Variants in TNFAIP8 observed in about 807,000 individuals in gnomAD.
TNFAIP8 encodes the protein tumor necrosis factor alpha-induced protein 8.
In TNFAIP8, 7 loss-of-function variants were observed where a neutral mutation model predicts 13.3. The observed-to-expected ratio is 0.52, with a 90% CI of 0.30 to 0.99. TNFAIP8 has a LOEUF of 0.99. TNFAIP8 is among the 50% of genes least tolerant of loss of function. TNFAIP8 has a pLI of 0.07. For missense variants in TNFAIP8, 258 were observed against 236.9 expected (o/e 1.09, Z -0.58); for synonymous variants, 94 against 87.6 (o/e 1.07, Z -0.41).
At chr5:119,375,685 A>G (rs1752251181) in intron 1 of TNFAIP8, among the ~76,000 whole-genome samples, 1 of 152,206 alleles carries the variant, frequency 6.6e-6, no homozygotes, top group African/African-American at 2.4e-5. Context: ...AATTATTTTA[A>G]TAAAACAATT....
At chr5:119,355,393 G>T (rs1199825653), upstream of TNFAIP8, 1 of 702,196 alleles carries the variant, frequency 1.4e-6, no homozygotes, top group Non-Finnish European at 2.6e-6. Flanking sequence ...CTGTGCAAAG[G>T]TAAGGGTGGA....
intron 1 of TNFAIP8, among the ~76,000 whole-genome samples, chr5:119,389,460 G>A (rs1423754580): frequency 1.3e-5 from 2 of 152,172 alleles, no homozygotes; most frequent in Non-Finnish European, 2.9e-5. Flanking sequence ...GACTAGCTCT[G>A]AGATACACCA....
intron 1 of TNFAIP8, among the ~76,000 whole-genome samples, chr5:119,301,364 C>T (rs1182276714): frequency 2.0e-5 from 3 of 152,184 alleles, no homozygotes; most frequent in African/African-American, 4.8e-5. Context: ...CCCTTGTCCG[C>T]CTTCTTTACT....
intron 1 of TNFAIP8, among the ~76,000 whole-genome samples, chr5:119,313,610 T>C (rs1255972934): frequency 6.6e-6 from 1 of 152,262 alleles, no homozygotes; most frequent in Non-Finnish European, 1.5e-5. Context: ...AGCCTCCTTT[T>C]TAACAAATGA....
intron 1 of TNFAIP8, among the ~76,000 whole-genome samples, chr5:119,273,521 C>T (rs1748352774): frequency 6.6e-6 from 1 of 152,124 alleles, no homozygotes; most frequent in African/African-American, 2.4e-5. Flanking sequence ...GATAAGTGAG[C>T]CAGAGCAGGG....
intron 1 of TNFAIP8, among the ~76,000 whole-genome samples, chr5:119,311,555 G>T (rs894578647): frequency 1.3e-5 from 2 of 151,868 alleles, no homozygotes; most frequent in Admixed American, 6.6e-5. Flanking sequence ...ACTGGGTGTG[G>T]TGGCGCACCT....
At chr5:119,372,709 C>A (rs1752131624) in intron 1 of TNFAIP8, among the ~76,000 whole-genome samples, 1 of 152,144 alleles carries the variant, frequency 6.6e-6, no homozygotes, top group Non-Finnish European at 1.5e-5. Context: ...CCTGTAATCC[C>A]AGCACTTTGG....
At chr5:119,301,369 T>G (rs1372648664) in intron 1 of TNFAIP8, among the ~76,000 whole-genome samples, 1 of 152,194 alleles carries the variant, frequency 6.6e-6, no homozygotes, top group Non-Finnish European at 1.5e-5. Context: ...GTCCGCCTTC[T>G]TTACTGGCCA....
chr5:119,310,270 C>T (rs983368051), intron 1 of TNFAIP8, among the ~76,000 whole-genome samples: 1 of 151,944 alleles, frequency 6.6e-6, no homozygotes, highest in Non-Finnish European at 1.5e-5. Flanking sequence ...AGACACTGGG[C>T]TGAGGCTAGA....
At chr5:119,328,330 C>T (rs1030887878) in intron 1 of TNFAIP8, among the ~76,000 whole-genome samples, 3 of 150,852 alleles carry the variant, frequency 2.0e-5, no homozygotes, top group African/African-American at 7.4e-5. Context: ...GTTTTTGAAA[C>T]TTACTTCGCA....
intron 1 of TNFAIP8, among the ~76,000 whole-genome samples, chr5:119,341,559 G>A (rs1750737903): frequency 6.6e-6 from 1 of 152,196 alleles, no homozygotes; most frequent in African/African-American, 2.4e-5. Flanking sequence ...TTATGGATGT[G>A]AGCCTTTTAT....
chr5:119,364,841 GTTTTTTT>G (rs10714712), intron 1 of TNFAIP8, among the ~76,000 whole-genome samples: 64 of 88,684 alleles, frequency 7.2e-4, no homozygotes, highest in African/African-American at 2.8e-3. Flanking sequence ...TTTCTTTTCA[GTTTTTTT>G]TTTTTTTTTT....
At chr5:119,338,930 C>G (rs927995352) in intron 1 of TNFAIP8, among the ~76,000 whole-genome samples, 6 of 152,004 alleles carry the variant, frequency 3.9e-5, no homozygotes, top group African/African-American at 1.4e-4. Context: ...ACCTGTAGTC[C>G]CAGCTACTCA....
At chr5:119,372,030 A>C (rs1752094638) in intron 1 of TNFAIP8, among the ~76,000 whole-genome samples, 1 of 152,114 alleles carries the variant, frequency 6.6e-6, no homozygotes, top group African/African-American at 2.4e-5. Flanking sequence ...CCAGCTACTC[A>C]AGAGGCTGAG....
intron 1 of TNFAIP8, among the ~76,000 whole-genome samples, chr5:119,320,685 G>A (rs1022422333): frequency 6.6e-5 from 10 of 151,856 alleles, no homozygotes; most frequent in Non-Finnish European, 1.0e-4. Context: ...TCTTTTTGTA[G>A]TATGACCTTG....
intron 1 of TNFAIP8, among the ~76,000 whole-genome samples, chr5:119,323,444 CAT>C (rs1477378012): frequency 6.6e-6 from 1 of 152,182 alleles, no homozygotes; most frequent in African/African-American, 2.4e-5. Context: ...TAGAGTCTAA[CAT>C]AGGGCACAGT....
chr5:119,287,044 G>A (rs1413071563), intron 1 of TNFAIP8, among the ~76,000 whole-genome samples: 1 of 151,982 alleles, frequency 6.6e-6, no homozygotes, highest in Non-Finnish European at 1.5e-5. Context: ...CCCCTTTCCT[G>A]CACTGCCCAT....
intron 1 of TNFAIP8, among the ~76,000 whole-genome samples, chr5:119,330,325 A>G (rs1750337956): frequency 1.3e-5 from 2 of 152,220 alleles, no homozygotes; most frequent in East Asian, 1.9e-4. Context: ...GTAGAATTAG[A>G]TGAAATAAAC....
At chr5:119,297,708 TTA>T (rs1749222021) in intron 1 of TNFAIP8, among the ~76,000 whole-genome samples, 2 of 152,242 alleles carry the variant, frequency 1.3e-5, no homozygotes, top group African/African-American at 4.8e-5. Flanking sequence ...CAGTTGGGTG[TTA>T]AAGTCTCCCA....
Sources: allele counts gnomAD v4.1 joint callset (sites outside exome capture counted in the v4.1 genomes callset), GRCh38; gene constraint gnomAD v4.1.1; transcripts MANE v1.5; gene names NCBI Gene and HGNC (gene_info 2026-07-23, HGNC 2026-07-21).